Variants in SERPINI1 observed in about 807,000 individuals in gnomAD.
SERPINI1 encodes the protein neuroserpin.
In SERPINI1, 19 loss-of-function variants were observed where a neutral mutation model predicts 41.1. The ratio of observed to expected loss-of-function variants is 0.46; its 90% CI spans 0.32 to 0.68. The LOEUF (loss-of-function observed/expected upper bound fraction) is 0.68, where lower values mean the gene tolerates loss of function less well. SERPINI1 is among the 30% of genes least tolerant of loss of function. The pLI, the probability that SERPINI1 is intolerant of heterozygous loss-of-function variation, is 0.03. For synonymous variants in SERPINI1, 138 were observed against 156.6 expected, an observed-to-expected ratio of 0.88 and a Z score of 0.89; for missense variants, 460 against 479.2, an observed-to-expected ratio of 0.96 and a Z score of 0.37.
chr3:167,771,252 A>C (rs2108545640), intron 1 of SERPINI1, among the ~76,000 whole-genome samples: 1 of 152,280 alleles, frequency 6.6e-6, no homozygotes, highest in African/African-American at 2.4e-5. Context: ...TTTATGTAGT[A>C]AGGTTGCGAT....
chr3:167,809,982 A>G (rs1376880810), intron 6 of SERPINI1, among the ~76,000 whole-genome samples: 1 of 152,152 alleles, frequency 6.6e-6, no homozygotes, highest in Non-Finnish European at 1.5e-5. Context: ...TTATTACATT[A>G]TTAGTTTTGC....
intron 1 of SERPINI1, among the ~76,000 whole-genome samples, chr3:167,778,007 A>G (rs1325150965): frequency 1.3e-5 from 2 of 152,158 alleles, no homozygotes; most frequent in South Asian, 2.1e-4. Flanking sequence ...GCCTTCCACA[A>G]TGGGATGACC....
intron 1 of SERPINI1, among the ~76,000 whole-genome samples, chr3:167,759,538 C>T (rs1461234961): frequency 6.6e-6 from 1 of 151,650 alleles, no homozygotes; most frequent in Non-Finnish European, 1.5e-5. Flanking sequence ...AAATCAGATA[C>T]CAAATATTCT....
At chr3:167,759,603 A>G (rs1223246516) in intron 1 of SERPINI1, among the ~76,000 whole-genome samples, 1 of 152,074 alleles carries the variant, frequency 6.6e-6, no homozygotes, top group Admixed American at 6.6e-5. Context: ...GATGGAAATA[A>G]TAGACACTGG....
At chr3:167,807,091 T>C (rs1711672613) in intron 5 of SERPINI1, 153 bp from the exon 6 acceptor site, 8 of 626,030 alleles carry the variant, frequency 1.3e-5, no homozygotes, top group South Asian at 1.1e-4. Context: ...TTTTTCCATG[T>C]TCAATCAAAT....
intron 1 of SERPINI1, among the ~76,000 whole-genome samples, chr3:167,737,629 C>T (rs1301548876): frequency 2.6e-5 from 4 of 152,072 alleles, no homozygotes; most frequent in South Asian, 2.1e-4. Context: ...TAATTGCTGT[C>T]GCTGGGTTAT....
chr3:167,810,375 T>C (rs1398672517), intron 6 of SERPINI1, among the ~76,000 whole-genome samples: 1 of 152,160 alleles, frequency 6.6e-6, no homozygotes, highest in East Asian at 1.9e-4. Context: ...TACCTCAATA[T>C]ATTACAGGTT....
At chr3:167,739,448 T>G (rs1725596936) in intron 1 of SERPINI1, among the ~76,000 whole-genome samples, 1 of 152,210 alleles carries the variant, frequency 6.6e-6, no homozygotes, top group Non-Finnish European at 1.5e-5. Flanking sequence ...GCAAAAGTGT[T>G]GATTGAGCAC....
At chr3:167,759,588 A>G (rs1027807860) in intron 1 of SERPINI1, among the ~76,000 whole-genome samples, 2 of 152,082 alleles carry the variant, frequency 1.3e-5, no homozygotes, top group Non-Finnish European at 2.9e-5. Context: ...GCACATGGAT[A>G]TAAAGATGGA....
chr3:167,752,320 T>C (rs1158449884), intron 1 of SERPINI1, among the ~76,000 whole-genome samples: 2 of 152,142 alleles, frequency 1.3e-5, no homozygotes, highest in African/African-American at 2.4e-5. Context: ...ACCTCAGATT[T>C]ACCTATCCAA....
Position 167,792,247 on chromosome 3 carries a change from A to G in SERPINI1, c.482-343A>G, listed in dbSNP as rs901700608. The stretch of plus-strand genomic sequence containing the variant: ...GTGATTAAGTCTAAGCTTATATTGT[A>G]TGTGGTTCTGTAGTTTGTGTATCAG... On this transcript the variant is annotated intron_variant, in intron 3 of 8. Coordinates refer to ENST00000446050, the MANE Select transcript of SERPINI1 (RefSeq NM_001122752.2). Among the ~76,000 whole-genome samples, 12 of 152,060 alleles carry G rather than the reference A, an allele frequency of 7.9e-5. 1 individual carries two copies. Among genetic ancestry groups the G allele is most frequent in the Admixed American group, 7.2e-4 (11 of 15,260 alleles).
chr3:167,762,770 GT>G (rs962360903), intron 1 of SERPINI1, among the ~76,000 whole-genome samples: 6 of 148,954 alleles, frequency 4.0e-5, no homozygotes, highest in South Asian at 2.1e-4. Flanking sequence ...TTTCACTGAG[GT>G]TTTTTTTTTC....
intron 6 of SERPINI1, among the ~76,000 whole-genome samples, chr3:167,809,232 G>A (rs1168627029): frequency 6.6e-6 from 1 of 152,176 alleles, no homozygotes; most frequent in Non-Finnish European, 1.5e-5. Context: ...CTGAAGCTTA[G>A]CATAATTTAA....
At position 167,793,831 on chromosome 3, in the gene SERPINI1, C is replaced by CGTGTGTGTGTGT. The variant is rs753115772; in HGVS notation, c.677-789_677-788insGTGTGTGTGTGT. ...GTATATATATATAGTTCATTTTGGC[C>CGTGTGTGTGTGT]ATATGTATGTGTGTGTGTGTGTGTG... On this transcript the variant is annotated intron_variant, in intron 4 of 8. Coordinates refer to ENST00000446050, the MANE Select transcript of SERPINI1 (RefSeq NM_001122752.2). 6.1e-4 allele frequency among the ~76,000 whole-genome samples: 67 copies of CGTGTGTGTGTGT among 110,560 alleles called. 1 individual carries two copies. The highest frequency in any genetic ancestry group is 3.0e-3 in the South Asian group (11 of 3,624). The allele number at this position is 110,560 out of a possible 152,430, so 72.5% of individuals were successfully genotyped here.
At chr3:167,798,428 T>C (rs1014004218) in intron 5 of SERPINI1, among the ~76,000 whole-genome samples, 5 of 152,192 alleles carry the variant, frequency 3.3e-5, no homozygotes, top group African/African-American at 7.2e-5. Context: ...CAAATACTTA[T>C]ATGTTACAAT....
intron 6 of SERPINI1, among the ~76,000 whole-genome samples, chr3:167,816,365 A>G (rs1181636123): frequency 1.3e-5 from 2 of 152,304 alleles, no homozygotes; most frequent in Non-Finnish European, 1.5e-5. Context: ...AATAAACTTT[A>G]TAACCATAAT....
intron 3 of SERPINI1, among the ~76,000 whole-genome samples, chr3:167,792,326 C>A (rs1727550056): frequency 7.0e-6 from 1 of 141,858 alleles, no homozygotes; most frequent in Admixed American, 7.0e-5. Context: ...CCCTTAATTT[C>A]TTTTTTATAT....
intron 1 of SERPINI1, among the ~76,000 whole-genome samples, chr3:167,770,836 A>T (rs1280281665): frequency 3.3e-5 from 5 of 152,092 alleles, no homozygotes; most frequent in African/African-American, 1.2e-4. Context: ...GCTCTCACTA[A>T]CCTTTATTTC....
At chr3:167,757,183 C>T (rs1427386876) in intron 1 of SERPINI1, among the ~76,000 whole-genome samples, 1 of 152,168 alleles carries the variant, frequency 6.6e-6, no homozygotes, top group South Asian at 2.1e-4. Flanking sequence ...TCCTGTTTTA[C>T]TGATGAAGCC....
Sources: allele counts gnomAD v4.1 joint callset (sites outside exome capture counted in the v4.1 genomes callset), GRCh38; gene constraint gnomAD v4.1.1; transcripts MANE v1.5; gene names NCBI Gene and HGNC (gene_info 2026-07-23, HGNC 2026-07-21).